The following STK3 variants were observed in gnomAD, a reference collection of about 807,000 sequenced individuals.
STK3 encodes serine/threonine-protein kinase 3.
A neutral mutation model predicts 58.0 loss-of-function variants in STK3; 41 were observed. The observed-to-expected ratio is 0.71, with a 90% CI of 0.55 to 0.92. STK3 has a LOEUF of 0.92. STK3 is among the 40% of genes least tolerant of loss of function. STK3 has a pLI of 0.00. For synonymous variants in STK3, 170 were observed against 191.0 expected (o/e 0.89, Z 0.91); for missense variants, 479 against 602.7 (o/e 0.79, Z 2.15).
At chr8:98,809,251 C>T (rs914369173) in intron 1 of STK3, among the ~76,000 whole-genome samples, 1 of 152,182 alleles carries the variant, frequency 6.6e-6, no homozygotes, top group African/African-American at 2.4e-5. Flanking sequence ...GTAGCCAAGT[C>T]AGAAGTACCA....
intron 9 of STK3, among the ~76,000 whole-genome samples, chr8:98,532,605 C>T (rs1826245803): frequency 6.6e-6 from 1 of 152,116 alleles, no homozygotes. Flanking sequence ...TTGCCACAAA[C>T]CTTCAATCTG....
Position 98,713,246 on chromosome 8 carries a change from C to A in STK3, c.352-5935G>T, listed in dbSNP as rs1265890884. Among the ~76,000 whole-genome samples the A allele has an allele frequency of 1.3e-5, 2 of 152,108 alleles. 1 individual carries two copies. Among genetic ancestry groups the A allele is most frequent in the African/African-American group, 4.8e-5 (2 of 41,410 alleles). On this transcript the variant is annotated intron_variant, in intron 4 of 10. Transcript: ENST00000419617. ...AGAACTAGAAAAGCAAGAGCAAACA[C>A]ATTCAAAAGCTAGCAGAAGGCAAGA...
In STK3 at chr8:98,602,917, A is replaced by G. The variant is rs143427656; in HGVS notation, c.685-6748T>C. On this transcript the variant is annotated intron_variant, in intron 6 of 10. Transcript: ENST00000419617. ...GCCTAAGAACTTGGAAGTACCAAATATATCTAAAGATAGTGGACACCTGTA... is the reference window on the plus strand; with the variant it reads ...GCCTAAGAACTTGGAAGTACCAAATGTATCTAAAGATAGTGGACACCTGTA... Among the ~76,000 whole-genome samples, 3 of 151,670 alleles carry G rather than the reference A, an allele frequency of 2.0e-5. No individual in the cohort carries two copies. The East Asian group carries it at 5.8e-4, about 29-fold the overall frequency.
intron 10 of STK3, among the ~76,000 whole-genome samples, chr8:98,484,819 T>G (rs954292952): frequency 6.6e-6 from 1 of 152,212 alleles, no homozygotes; most frequent in Non-Finnish European, 1.5e-5. Flanking sequence ...AATACACATA[T>G]GTACATGTGT....
chr8:98,597,482 C>A, intron 6 of STK3: 2 of 985,240 alleles, frequency 2.0e-6, no homozygotes, highest in Non-Finnish European at 2.4e-6. Context: ...CAATAAACAT[C>A]TTTCAATCAA....
chr8:98,814,170 C>G (rs1385939870), intron 1 of STK3, among the ~76,000 whole-genome samples: 1 of 152,064 alleles, frequency 6.6e-6, no homozygotes, highest in African/African-American at 2.4e-5. Flanking sequence ...GCCTCAGCCT[C>G]CCGAGTAGCT....
At chr8:98,466,978 A>C (rs1183640759) in intron 10 of STK3, among the ~76,000 whole-genome samples, 1 of 152,064 alleles carries the variant, frequency 6.6e-6, no homozygotes, top group African/African-American at 2.4e-5. Context: ...GGCTCTACCT[A>C]CAGAAGTCTC....
intron 4 of STK3, among the ~76,000 whole-genome samples, chr8:98,716,076 T>C (rs1271505963): frequency 1.3e-5 from 2 of 151,372 alleles, no homozygotes; most frequent in Non-Finnish European, 2.9e-5. Context: ...TAGGTGGAAA[T>C]TGAACAATGA....
At chr8:98,719,434 A>G (rs938424046) in intron 4 of STK3, among the ~76,000 whole-genome samples, 1 of 152,198 alleles carries the variant, frequency 6.6e-6, no homozygotes, top group Non-Finnish European at 1.5e-5. Flanking sequence ...GCTCTACTAA[A>G]GAATGTTCAG....
intron 6 of STK3, among the ~76,000 whole-genome samples, chr8:98,695,178 C>A (rs1468218495): frequency 6.6e-6 from 1 of 152,168 alleles, no homozygotes. Context: ...ATGTCCTTCG[C>A]CCACTTTTTG....
At chr8:98,657,151 T>C (rs1407740019) in intron 6 of STK3, among the ~76,000 whole-genome samples, 1 of 152,048 alleles carries the variant, frequency 6.6e-6, no homozygotes, top group Non-Finnish European at 1.5e-5. Context: ...CTATAATATA[T>C]ACATAACAGT....
intron 8 of STK3, among the ~76,000 whole-genome samples, chr8:98,553,055 A>G (rs1036129069): frequency 3.3e-5 from 5 of 152,184 alleles, no homozygotes; most frequent in African/African-American, 1.2e-4. Flanking sequence ...CCAAGAGTAG[A>G]GCCTCTAACT....
At chr8:98,825,714 TCCCGC>T (rs1209645288), upstream of STK3, 11 of 991,032 alleles carry the variant, frequency 1.1e-5, no homozygotes, top group African/African-American at 9.2e-5. Flanking sequence ...GCGCGGCTCC[TCCCGC>T]CCCGCCCCGC....
intron 6 of STK3, among the ~76,000 whole-genome samples, chr8:98,654,724 C>A (rs536463196): frequency 1.3e-4 from 20 of 152,074 alleles, no homozygotes; most frequent in African/African-American, 4.6e-4. Flanking sequence ...TGAGTGAACT[C>A]CCATTCACAA....
intron 10 of STK3, among the ~76,000 whole-genome samples, chr8:98,515,404 A>G (rs1824850025): frequency 6.6e-6 from 1 of 152,110 alleles, no homozygotes; most frequent in African/African-American, 2.4e-5. Flanking sequence ...AATGTGCAAA[A>G]AAGCATTCTG....
chr8:98,863,946 C>T (rs1837027976), intron 3 of STK3, among the ~76,000 whole-genome samples: 1 of 152,042 alleles, frequency 6.6e-6, no homozygotes, highest in South Asian at 2.1e-4. Flanking sequence ...CCTGTAATCC[C>T]AGCACTTTGG....
At chr8:98,721,017 G>A (rs1021964268) in intron 4 of STK3, 1 of 834,198 alleles carries the variant, frequency 1.2e-6, no homozygotes, top group Non-Finnish European at 1.4e-6. Flanking sequence ...TCAATGGTAT[G>A]CCAGCCAAAC....
intron 6 of STK3, among the ~76,000 whole-genome samples, chr8:98,670,829 C>T (rs866110234): frequency 6.6e-6 from 1 of 152,184 alleles, no homozygotes; most frequent in Non-Finnish European, 1.5e-5. Context: ...TGCTTCATCA[C>T]TCAATAAAAT....
chr8:98,824,027 T>C (rs1456545612), intron 1 of STK3, among the ~76,000 whole-genome samples: 1 of 152,216 alleles, frequency 6.6e-6, no homozygotes, highest in East Asian at 1.9e-4. Flanking sequence ...GATTAATGCC[T>C]ATAATCCAAT....
Sources: allele counts gnomAD v4.1 joint callset (sites outside exome capture counted in the v4.1 genomes callset), GRCh38; gene constraint gnomAD v4.1.1; transcripts MANE v1.5; gene names NCBI Gene and HGNC (gene_info 2026-07-23, HGNC 2026-07-21).